Variants in LEKR1 observed in about 807,000 individuals in gnomAD.
LEKR1 encodes the protein leucine, glutamate and lysine rich 1, also known as protein LEKR1.
A neutral mutation model predicts 72.4 loss-of-function variants in LEKR1; 59 were observed. That is an observed-to-expected ratio of 0.82 (90% CI 0.66 to 1.01). The LOEUF is 1.01. Among genes scored for constraint, LEKR1 ranks in the 50% least tolerant of loss-of-function variants. LEKR1 has a pLI of 0.00. For missense variants in LEKR1, 728 were observed against 759.2 expected (o/e 0.96, Z 0.48); for synonymous variants, 257 against 263.2 (o/e 0.98, Z 0.23).
intron 7 of LEKR1, among the ~76,000 whole-genome samples, chr3:156,985,056 AT>A (rs1215331038): frequency 6.6e-6 from 1 of 151,890 alleles, no homozygotes; most frequent in Non-Finnish European, 1.5e-5. Context: ...GTACAGATCC[AT>A]TTTTCACATG....
At chr3:156,882,958 C>T (rs1482886457) in intron 3 of LEKR1, among the ~76,000 whole-genome samples, 1 of 151,216 alleles carries the variant, frequency 6.6e-6, no homozygotes, top group Non-Finnish European at 1.5e-5. Flanking sequence ...ACAATGAGAA[C>T]ACATGGACAC....
At chr3:156,878,422 A>G (rs538430948) in intron 3 of LEKR1, among the ~76,000 whole-genome samples, 137 of 152,236 alleles carry the variant, frequency 9.0e-4, no homozygotes, top group Non-Finnish European at 1.2e-3. Flanking sequence ...ATTTCCATGT[A>G]CTTGTACAGT....
intron 11 of LEKR1, among the ~76,000 whole-genome samples, chr3:157,026,027 G>A (rs1734158328): frequency 6.6e-6 from 1 of 151,728 alleles, no homozygotes; most frequent in African/African-American, 2.4e-5. Context: ...TCCAGACTGG[G>A]CAACAAAGTG....
chr3:156,929,168 T>A (rs1172631804), intron 5 of LEKR1, among the ~76,000 whole-genome samples: 1 of 151,984 alleles, frequency 6.6e-6, no homozygotes, highest in Non-Finnish European at 1.5e-5. Context: ...ATGGACTTTT[T>A]TTTTTTAAAG....
chr3:157,040,008 T>C (rs985490880), intron 12 of LEKR1, among the ~76,000 whole-genome samples: 1 of 152,186 alleles, frequency 6.6e-6, no homozygotes, highest in Non-Finnish European at 1.5e-5. Flanking sequence ...GGACAGGGAC[T>C]ATACCTAGGC....
chr3:156,906,894 A>G (rs756391486), intron 3 of LEKR1, among the ~76,000 whole-genome samples: 2 of 152,134 alleles, frequency 1.3e-5, no homozygotes, highest in Non-Finnish European at 2.9e-5. Context: ...ATAAAAATGG[A>G]CTGAGAATTC....
At chr3:156,870,556 A>G (rs1174159962) in intron 3 of LEKR1, among the ~76,000 whole-genome samples, 2 of 152,054 alleles carry the variant, frequency 1.3e-5, no homozygotes, top group African/African-American at 4.8e-5. Flanking sequence ...CAATTTAACT[A>G]TTTTTATCAG....
In LEKR1 at chr3:157,017,948, CAAAA is replaced by C. The variant is rs58950224; in HGVS notation, c.1203+6463_1203+6466del. ...TGGGCCACAGAGCGAGACTCTGTCT[CAAAA>C]AAAAAAAAAAAAAAAAAAAAGAAAG... is the stretch of plus-strand genomic sequence containing the variant. On this transcript the variant is annotated intron_variant, in intron 10 of 12. Transcript: ENST00000356539. Among the ~76,000 whole-genome samples the C allele has an allele frequency of 3.4e-4, 28 of 82,974 alleles. No individual in the cohort carries two copies. In the South Asian group the frequency reaches 5.8e-3, roughly 17 times the overall value. 54.4% of individuals were successfully genotyped at this position (82,974 alleles called of 152,430 possible).
intron 3 of LEKR1, among the ~76,000 whole-genome samples, chr3:156,894,213 G>A (rs1367610328): frequency 1.3e-5 from 2 of 152,034 alleles, no homozygotes; most frequent in Non-Finnish European, 2.9e-5. Flanking sequence ...CTTTTTAGAT[G>A]GGGTACCTGT....
chr3:156,909,476 C>T (rs62275765), intron 3 of LEKR1, among the ~76,000 whole-genome samples: 64,208 of 151,502 alleles, frequency 0.42, 15,808 homozygotes, highest in East Asian at 0.72. Flanking sequence ...ACGGTGAAAC[C>T]CCATCTCTAC....
At chr3:156,936,311 C>T (rs1470854277) in intron 5 of LEKR1, among the ~76,000 whole-genome samples, 2 of 151,956 alleles carry the variant, frequency 1.3e-5, no homozygotes, top group African/African-American at 2.4e-5. Context: ...ATTCTTAATA[C>T]ATAAAGATAT....
intron 3 of LEKR1, among the ~76,000 whole-genome samples, chr3:156,859,710 A>C (rs956051666): frequency 5.3e-5 from 8 of 152,326 alleles, no homozygotes; most frequent in African/African-American, 1.4e-4. Flanking sequence ...TAGTTTCATT[A>C]ATACAGAATA....
chr3:157,013,915 T>C (rs1576995678), intron 10 of LEKR1, among the ~76,000 whole-genome samples: 1 of 152,142 alleles, frequency 6.6e-6, no homozygotes, highest in Admixed American at 6.6e-5. Flanking sequence ...TAGCAATTTG[T>C]GTCTGTGCTT....
chr3:156,971,876 C>G (rs1321123053), intron 6 of LEKR1, among the ~76,000 whole-genome samples: 1 of 152,196 alleles, frequency 6.6e-6, no homozygotes, highest in African/African-American at 2.4e-5. Context: ...AATAGCAACA[C>G]TTTTACACTG....
At chr3:157,032,657 C>A (rs946351147) in intron 12 of LEKR1, among the ~76,000 whole-genome samples, 1 of 152,172 alleles carries the variant, frequency 6.6e-6, no homozygotes, top group African/African-American at 2.4e-5. Context: ...ATACTGAAAC[C>A]TAATGCCCGT....
intron 3 of LEKR1, among the ~76,000 whole-genome samples, chr3:156,894,648 C>T (rs1576761872): frequency 6.6e-6 from 1 of 152,156 alleles, no homozygotes; most frequent in Non-Finnish European, 1.5e-5. Context: ...AACTATACTA[C>T]AAGGCTACAG....
intron 4 of LEKR1, among the ~76,000 whole-genome samples, chr3:156,925,518 T>C (rs1724633217): frequency 6.6e-6 from 1 of 152,074 alleles, no homozygotes; most frequent in Admixed American, 6.6e-5. Context: ...CTTGGTGTTA[T>C]TCATCTCTTA....
At chr3:156,837,111 C>T (rs947374986) in intron 2 of LEKR1, among the ~76,000 whole-genome samples, 1 of 152,206 alleles carries the variant, frequency 6.6e-6, no homozygotes, top group African/African-American at 2.4e-5. Flanking sequence ...TCAGTAGTGA[C>T]TTAATCTGAG....
In LEKR1 at chr3:156,993,224, CAA is replaced by C; in HGVS notation, c.1059_1060del (p.Lys353AsnfsTer16). 1 of 1,611,320 alleles carries C rather than the reference CAA, an allele frequency of 6.2e-7. No individual in the cohort carries two copies. The highest frequency in any genetic ancestry group is 8.5e-7 in the Non-Finnish European group (1 of 1,178,730). ...NLAENELEITKTLLNQTREEV... is the reference protein window; with the variant it reads ...NLAENELEITXTLLNQTREEV... Reference sequence around the variant, plus strand: ...TTGCAGAAAATGAACTGGAGATAACCAAAACTCTTCTGAATCAGACAAGGGAA... The same window carrying C: ...TTGCAGAAAATGAACTGGAGATAACCAACTCTTCTGAATCAGACAAGGGAA... On this transcript the variant is annotated frameshift_variant, in exon 9 of 13. Transcript: ENST00000356539. LOFTEE classifies it high-confidence loss of function.
Sources: allele counts gnomAD v4.1 joint callset (sites outside exome capture counted in the v4.1 genomes callset), GRCh38; gene constraint gnomAD v4.1.1; transcripts MANE v1.5; gene names NCBI Gene and HGNC (gene_info 2026-07-23, HGNC 2026-07-21).